NUMA1: variants seen among roughly 807,000 people sequenced by gnomAD.
The protein encoded by NUMA1 is SP-H antigen.
A neutral mutation model predicts 237.1 loss-of-function variants in NUMA1; 62 were observed. The ratio of observed to expected loss-of-function variants is 0.26; its 90% CI spans 0.21 to 0.32. The LOEUF (loss-of-function observed/expected upper bound fraction) is 0.32, where lower values mean the gene tolerates loss of function less well. Ranked by LOEUF, NUMA1 falls within the 10% of genes least tolerant of loss-of-function variation. The pLI, the probability that NUMA1 is intolerant of heterozygous loss-of-function variation, is 1.00. For synonymous variants in NUMA1, 1,028 were observed against 1,066.1 expected, an observed-to-expected ratio of 0.96 and a Z score of 0.70; for missense variants, 2,533 against 2,666.5, an observed-to-expected ratio of 0.95 and a Z score of 1.10.
rs573497858 is a variant in NUMA1 at position 72,003,031 on chromosome 11, A to G, written c.*496T>C. ...TGTCCCCCAACCCCACTCCTGAGAC[A>G]TAGGGCCCATCCGTCCTGGGAAAGA... On this transcript the variant is annotated 3_prime_UTR_variant, in exon 27 of 27. Coordinates refer to ENST00000393695, the MANE Select transcript of NUMA1 (RefSeq NM_006185.4). 8 of 237,770 alleles carry G rather than the reference A, an allele frequency of 3.4e-5. No individual in the cohort carries two copies. The South Asian group carries it at 1.0e-3, about 30-fold the overall frequency. 14.7% of individuals were successfully genotyped at this position (237,770 alleles called of 1,614,324 possible).
chr11:72,016,585 C>G, intron 13 of NUMA1, 55 bp from the exon 14 acceptor site: 1 of 1,583,160 alleles, frequency 6.3e-7, no homozygotes, highest in African/African-American at 1.3e-5. Context: ...ACCAGATTAC[C>G]ACACAAGCCC....
At chr11:72,073,847 C>T (rs992137510) in intron 1 of NUMA1, among the ~76,000 whole-genome samples, 15 of 152,128 alleles carry the variant, frequency 9.9e-5, no homozygotes, top group Non-Finnish European at 1.8e-4. Flanking sequence ...CAGTTGCCTT[C>T]CCTGTAAAAG....
intron 9 of NUMA1, 143 bp downstream of exon 9, chr11:72,019,351 T>C: frequency 9.0e-7 from 1 of 1,114,852 alleles, no homozygotes; most frequent in South Asian, 1.5e-5. Flanking sequence ...CAGTTAATAC[T>C]GGGTGAGGTG....
At position 72,015,046 on chromosome 11, in the gene NUMA1, A is replaced by G. The variant is rs1956428967; in HGVS notation, c.2457T>C (p.Asp819=). The stretch of plus-strand genomic sequence containing the variant: ...CATACTGTGCCTCCTCTTGCTGGCT[A>G]TCCTCATACCGCTCACGCCAGGCAG... ...EVAAWRERYE[D]SQQEEAQYGA... The change falls in exon 15 of 27, where the codon GAT becomes GAC. Residue 819 remains aspartate, a synonymous_variant. Coordinates refer to ENST00000393695, the MANE Select transcript of NUMA1 (RefSeq NM_006185.4). The surrounding 1 kb of genome is among the most constrained non-coding windows in gnomAD (Gnocchi z 4.0). 1.2e-6 allele frequency: 2 copies of G among 1,614,018 alleles called. No individual in the cohort carries two copies. The highest frequency in any genetic ancestry group is 1.1e-5 in the South Asian group (1 of 91,080).
At chr11:72,046,912 A>C (rs1942033034) in intron 2 of NUMA1, among the ~76,000 whole-genome samples, 1 of 152,122 alleles carries the variant, frequency 6.6e-6, no homozygotes, top group Non-Finnish European at 1.5e-5. Context: ...GTGAGCTGAG[A>C]TTGCGCCATT....
intron 16 of NUMA1, among the ~76,000 whole-genome samples, chr11:72,011,938 G>C (rs1260307960): frequency 6.6e-6 from 1 of 152,154 alleles, no homozygotes; most frequent in African/African-American, 2.4e-5. Context: ...CCTAACCTGT[G>C]GGGGCTGCCT....
At chr11:72,038,782 C>A (rs1264324599) in intron 2 of NUMA1, among the ~76,000 whole-genome samples, 4 of 152,062 alleles carry the variant, frequency 2.6e-5, no homozygotes, top group Non-Finnish European at 5.9e-5. Context: ...CAGGCACCCC[C>A]CGTCCCCCCC....
chr11:72,043,025 G>C (rs1053014149), intron 2 of NUMA1, among the ~76,000 whole-genome samples: 5 of 152,150 alleles, frequency 3.3e-5, no homozygotes, highest in Admixed American at 3.3e-4. Flanking sequence ...GGGAGGCTGA[G>C]GTGGGAGGAT....
At chr11:72,016,644 C>T in intron 13 of NUMA1, 114 bp from the exon 14 acceptor site, 1 of 1,344,902 alleles carries the variant, frequency 7.4e-7, no homozygotes, top group Non-Finnish European at 1.0e-6. Flanking sequence ...ACCAAGATCT[C>T]CTTTTGCCCT....
At chr11:72,007,598 GCCTT>G in intron 20 of NUMA1, 163 bp from the exon 21 acceptor site, 1 of 867,906 alleles carries the variant, frequency 1.2e-6, no homozygotes. Context: ...CTTGACCTGG[GCCTT>G]CCTTTCAGTC....
Position 72,019,562 on chromosome 11 carries a change from G to A in NUMA1, c.516C>T (p.Ser172=). The change falls in exon 9 of 27, where the codon AGC becomes AGT. Residue 172 remains serine (S), a synonymous_variant. Transcript: ENST00000393695. Reference sequence around the variant, plus strand: ...AGCGAATCTCCCTCTTGGCCTGGTGGCTAGGTGGGGAGAGCTCTTCAGGGA... The same window carrying A: ...AGCGAATCTCCCTCTTGGCCTGGTGACTAGGTGGGGAGAGCTCTTCAGGGA... ...STFPEELSPP[S]HQAKREIRFL... 6.2e-7 allele frequency: 1 copy of A among 1,614,064 alleles called. No individual in the cohort carries two copies. Among genetic ancestry groups the A allele is most frequent in the Non-Finnish European group, 8.5e-7 (1 of 1,179,928 alleles).
chr11:72,022,490 T>C (rs1018573059), intron 6 of NUMA1, 71 bp from the exon 7 acceptor site: 48 of 1,023,150 alleles, frequency 4.7e-5, no homozygotes, highest in Non-Finnish European at 6.9e-5. Flanking sequence ...TCTGGGCTGT[T>C]CTGGGGACTC....
At chr11:72,062,460 C>G (rs1205489605) in intron 2 of NUMA1, 2 of 152,240 alleles carry the variant, frequency 1.3e-5, no homozygotes, top group African/African-American at 4.8e-5. Context: ...CTCCTGTAAT[C>G]CCAGCACTTT....
Position 72,015,963 on chromosome 11 carries a change from T to C in NUMA1, c.1540A>G (p.Ile514Val). ...TSELTTLNAT[I>V]QQQDQELAGL... Reference sequence around the variant, plus strand: ...GCCAGTTCTTGATCCTGTTGCTGGATGGTGGCATTGAGTGTGGTGAGCTCA... The same window carrying C: ...GCCAGTTCTTGATCCTGTTGCTGGACGGTGGCATTGAGTGTGGTGAGCTCA... Residue 514 changes from isoleucine (I) to valine (V), a missense_variant, in exon 15 of 27, where the codon ATC becomes GTC. By Grantham distance (29) the Ile-to-Val change is conservative. Transcript: ENST00000393695. This position sits in a 1 kb window ranked among gnomAD's most constrained non-coding sequence, Gnocchi z 4.0. 1.2e-6 allele frequency: 2 copies of C among 1,614,142 alleles called. No individual in the cohort carries two copies. The highest frequency in any genetic ancestry group is 1.7e-5 in the Admixed American group (1 of 60,026).
At chr11:72,020,633 G>C (rs1358772057) in intron 8 of NUMA1, 1 of 152,266 alleles carries the variant, frequency 6.6e-6, no homozygotes, top group Non-Finnish European at 1.5e-5. Flanking sequence ...AACACTTTGG[G>C]AGGCCGAGGC....
chr11:72,006,325 T>G, intron 21 of NUMA1, 62 bp from the exon 22 acceptor site: 4 of 1,434,242 alleles, frequency 2.8e-6, no homozygotes, highest in Non-Finnish European at 2.9e-6. Context: ...AAGCTTCCCA[T>G]TCCCTTCCGA....
chr11:72,049,618 C>CATATA (rs1942227491), intron 2 of NUMA1: 1 of 82,454 alleles, frequency 1.2e-5, no homozygotes, highest in Non-Finnish European at 2.5e-5. Context: ...ATATATTTGC[C>CATATA]TATTCATCTA....
rs895705610 is a variant in NUMA1, at chr11:72,003,784, G to A, written c.6336+103C>T. 26 of 1,261,406 alleles carry A rather than the reference G, an allele frequency of 2.1e-5. No homozygotes were observed. The African/African-American group carries it at 3.1e-4, about 15-fold the overall frequency. 78.1% of individuals were successfully genotyped at this position (1,261,406 alleles called of 1,614,324 possible). On this transcript the variant is annotated intron_variant, in intron 26 of 26. Transcript: ENST00000393695. ...GACACCTCTTACCCCACACCCTCCA[G>A]CAGCCTGGCGTGGCCCCATCTTGGA...
chr11:72,011,488 G>GCC (rs1423095659), intron 16 of NUMA1, among the ~76,000 whole-genome samples: 1 of 152,200 alleles, frequency 6.6e-6, no homozygotes, highest in Non-Finnish European at 1.5e-5. Flanking sequence ...GAACATAACA[G>GCC]CCCCATGCAC....
Sources: allele counts gnomAD v4.1 joint callset (sites outside exome capture counted in the v4.1 genomes callset), GRCh38; gene constraint gnomAD v4.1.1; non-coding constraint Gnocchi (gnomAD v3.1); transcripts MANE v1.5; gene names NCBI Gene and HGNC (gene_info 2026-07-23, HGNC 2026-07-21).